SLC17A1: variants seen among roughly 807,000 people sequenced by gnomAD.
The protein encoded by SLC17A1 is solute carrier family 17 member 1.
SLC17A1 carries 51 observed loss-of-function variants against 53.5 expected under a neutral mutation model. That is an observed-to-expected ratio of 0.95 (90% CI 0.76 to 1.20). SLC17A1 has a LOEUF of 1.20. SLC17A1 is among the 50% of genes most tolerant of loss of function. The pLI is 0.00. For synonymous variants in SLC17A1, 179 were observed against 198.8 expected, an observed-to-expected ratio of 0.90 and a Z score of 0.84; for missense variants, 538 against 568.2, an observed-to-expected ratio of 0.95 and a Z score of 0.54.
chr6:25,784,723 T>C (rs1763342689), intron 12 of SLC17A1, among the ~76,000 whole-genome samples: 1 of 152,094 alleles, frequency 6.6e-6, no homozygotes, highest in Non-Finnish European at 1.5e-5. Flanking sequence ...TAAAAAGCCA[T>C]ATGGCTTTTA....
At chr6:25,766,989 C>T in the SLC17A1 span, among the ~76,000 whole-genome samples, 15 of 152,120 alleles carry the variant, frequency 9.9e-5, no homozygotes, top group African/African-American at 4.8e-5. Context: ...TAATATATCA[C>T]TGCAGGTTTA....
At chr6:25,801,183 G>T (rs774863938) in intron 10 of SLC17A1, among the ~76,000 whole-genome samples, 11 of 152,090 alleles carry the variant, frequency 7.2e-5, no homozygotes, top group Non-Finnish European at 1.5e-4. Flanking sequence ...GGCGTTAGCA[G>T]TAAAGAATAT....
chr6:25,741,631 G>A, the SLC17A1 span, among the ~76,000 whole-genome samples: 3 of 151,974 alleles, frequency 2.0e-5, no homozygotes, highest in African/African-American at 7.2e-5. Context: ...CAGGAGAATC[G>A]CTTGGACCCA....
the SLC17A1 span, among the ~76,000 whole-genome samples, chr6:25,759,965 G>A: frequency 1.7e-3 from 252 of 152,256 alleles, no homozygotes; most frequent in African/African-American, 5.5e-3. Context: ...TTGCTTTAAG[G>A]AATGTCCTGA....
the SLC17A1 span, chr6:25,777,221 C>T: frequency 4.7e-6 from 2 of 428,124 alleles, no homozygotes; most frequent in Non-Finnish European, 8.3e-6. Flanking sequence ...ACAAACCTCT[C>T]TCTGTTGAGG....
chr6:25,811,967 T>A (rs1349699851), intron 8 of SLC17A1, among the ~76,000 whole-genome samples, 197 bp from the exon 9 acceptor site: 4 of 152,210 alleles, frequency 2.6e-5, no homozygotes, highest in African/African-American at 9.6e-5. Flanking sequence ...TCAGTAATAT[T>A]TGTCATAATC....
At chr6:25,754,493 G>A in the SLC17A1 span, among the ~76,000 whole-genome samples, 31 of 152,168 alleles carry the variant, frequency 2.0e-4, no homozygotes, top group African/African-American at 7.0e-4. Flanking sequence ...TGGGGTGTCA[G>A]GATCCTTATA....
chr6:25,758,640 C>T, the SLC17A1 span, among the ~76,000 whole-genome samples: 1 of 152,124 alleles, frequency 6.6e-6, no homozygotes, highest in African/African-American at 2.4e-5. Flanking sequence ...TTTAATATCT[C>T]CCGTTTTGTT....
intron 12 of SLC17A1, 200 bp downstream of exon 12, chr6:25,798,583 C>T (rs1763656776): frequency 2.4e-6 from 1 of 417,020 alleles, no homozygotes; most frequent in Non-Finnish European, 4.1e-6. Context: ...GCCCAGCCTC[C>T]CAAATTTATA....
chr6:25,737,850 A>T, the SLC17A1 span, among the ~76,000 whole-genome samples: 1 of 152,290 alleles, frequency 6.6e-6, no homozygotes, highest in Admixed American at 6.5e-5. Context: ...TATTCTTAAC[A>T]TGTTTCTTCT....
intron 6 of SLC17A1, among the ~76,000 whole-genome samples, chr6:25,815,491 G>C (rs566056926): frequency 6.6e-6 from 1 of 152,170 alleles, no homozygotes; most frequent in African/African-American, 2.4e-5. Flanking sequence ...ATTTTTTAAA[G>C]CTTTCTCTTC....
the SLC17A1 span, chr6:25,726,505 C>G: frequency 6.2e-7 from 1 of 1,610,860 alleles, no homozygotes; most frequent in Non-Finnish European, 8.5e-7. Context: ...TGCTTTTCCT[C>G]CCTGCTTCCC....
the SLC17A1 span, among the ~76,000 whole-genome samples, chr6:25,741,741 GA>G: frequency 6.6e-4 from 99 of 149,192 alleles, no homozygotes; most frequent in African/African-American, 2.0e-3. Flanking sequence ...AATACAAAAA[GA>G]AAAAAAAAAT....
chr6:25,735,919 G>C, the SLC17A1 span, among the ~76,000 whole-genome samples: 187 of 152,298 alleles, frequency 1.2e-3, no homozygotes, highest in African/African-American at 3.5e-3. Context: ...CCCAAGCTGA[G>C]CCAGTAAGAA....
At chr6:25,726,980 G>A in the SLC17A1 span, 6 of 1,614,046 alleles carry the variant, frequency 3.7e-6, no homozygotes, top group Non-Finnish European at 5.1e-6. Flanking sequence ...TTAAGACCCA[G>A]AAAAAGGAAG....
At chr6:25,819,192 A>G in intron 5 of SLC17A1, 38 bp from the exon 6 acceptor site, 1 of 1,407,944 alleles carries the variant, frequency 7.1e-7, no homozygotes, top group Non-Finnish European at 9.8e-7. Flanking sequence ...TAATTAATGC[A>G]GGCATCTGAA....
At chr6:25,750,229 T>G in the SLC17A1 span, among the ~76,000 whole-genome samples, 1 of 152,186 alleles carries the variant, frequency 6.6e-6, no homozygotes, top group Non-Finnish European at 1.5e-5. Context: ...GGTGAAACAT[T>G]TAGAAAACTT....
chr6:25,732,566 G>A, the SLC17A1 span: 209,331 of 692,178 alleles, frequency 0.3, 36,220 homozygotes, highest in East Asian at 0.71. Context: ...AGAGGGTCGG[G>A]GGCTGCACGC....
the SLC17A1 span, among the ~76,000 whole-genome samples, chr6:25,739,663 T>C: frequency 6.6e-6 from 1 of 152,226 alleles, no homozygotes; most frequent in Non-Finnish European, 1.5e-5. Context: ...TAGGAAATTA[T>C]GTTGACTGAA....
Sources: gnomAD v4.1 joint callset for allele counts (sites outside exome capture counted in the v4.1 genomes callset) on GRCh38, gnomAD v4.1.1 for gene constraint, MANE v1.5 for transcripts, NCBI Gene and HGNC (gene_info 2026-07-23, HGNC 2026-07-21) for gene names.